Variants in DENND4C observed in about 807,000 individuals in gnomAD.
DENND4C encodes DENN domain-containing protein 4C.
A neutral mutation model predicts 203.0 loss-of-function variants in DENND4C; 108 were observed. That is an observed-to-expected ratio of 0.53 (90% CI 0.46 to 0.62). The LOEUF (loss-of-function observed/expected upper bound fraction) is 0.62, where lower values mean the gene tolerates loss of function less well. DENND4C is among the 20% of genes least tolerant of loss of function. The probability of loss-of-function intolerance (pLI) is 0.00; values close to 1 mark genes in which losing one functional copy is unlikely to be tolerated. For missense variants in DENND4C, 2,481 were observed against 2,301.2 expected, an observed-to-expected ratio of 1.08 and a Z score of -1.60; for synonymous variants, 871 against 792.4, an observed-to-expected ratio of 1.10 and a Z score of -1.67.
At chr9:19,329,157 A>G (rs975848247) in intron 16 of DENND4C, among the ~76,000 whole-genome samples, 3 of 152,184 alleles carry the variant, frequency 2.0e-5, no homozygotes, top group Admixed American at 6.5e-5. Flanking sequence ...TACCACCACA[A>G]TTAATTTTAG....
chr9:19,346,336 G>C lies in DENND4C; in HGVS notation c.3567G>C (p.Glu1189Asp). 6.2e-7 allele frequency: 1 copy of C among 1,614,170 alleles called. No individual in the cohort carries two copies. The highest frequency in any genetic ancestry group is 8.5e-7 in the Non-Finnish European group (1 of 1,180,036). Residue 1189 changes from glutamate to aspartate, a missense_variant, in exon 23 of 33, where the codon GAG becomes GAC. Glu to Asp is a conservative substitution (Grantham distance 45). Transcript: ENST00000434457. The part of the protein sequence containing the change: ...EMLEESQELL[E>D]PVVDDVPKTT... ...TTGAGGAAAGCCAAGAACTCCTTGAGCCTGTGGTTGATGACGTACCTAAAA... is the reference window on the plus strand; with the variant it reads ...TTGAGGAAAGCCAAGAACTCCTTGACCCTGTGGTTGATGACGTACCTAAAA...
intron 15 of DENND4C, among the ~76,000 whole-genome samples, chr9:19,326,757 A>ATG (rs997841360): frequency 6.6e-6 from 1 of 151,916 alleles, no homozygotes; most frequent in Non-Finnish European, 1.5e-5. Context: ...TATCATGTGG[A>ATG]TGTGTGTGTG....
intron 12 of DENND4C, among the ~76,000 whole-genome samples, chr9:19,317,258 T>A (rs1197924714): frequency 1.3e-5 from 2 of 150,900 alleles, no homozygotes; most frequent in East Asian, 1.9e-4. Context: ...TGGCCTCAAG[T>A]GATCCTCCTC....
intron 2 of DENND4C, among the ~76,000 whole-genome samples, chr9:19,280,444 C>T (rs936126626): frequency 2.0e-5 from 3 of 152,154 alleles, no homozygotes; most frequent in South Asian, 2.1e-4. Context: ...TGTGCCCCGC[C>T]GGAAGGGGCT....
chr9:19,336,668 T>C lies in DENND4C; in HGVS notation c.2735-18T>C, dbSNP rs1417811426. On this transcript the variant is annotated intron_variant, in intron 19 of 32. Coordinates refer to ENST00000434457, the MANE Select transcript of DENND4C (RefSeq NM_001330640.2). ...ATCAATGCATGAGTTATTGAACTGC[T>C]ATTGTCCTTATCTTTAGCTCTTCAA... 1 of 1,549,392 alleles carries C rather than the reference T, an allele frequency of 6.5e-7. No individual in the cohort carries two copies. Among genetic ancestry groups the C allele is most frequent in the East Asian group, 2.4e-5 (1 of 40,892 alleles).
At chr9:19,343,915 A>C (rs535538035) in intron 22 of DENND4C, among the ~76,000 whole-genome samples, 1 of 152,238 alleles carries the variant, frequency 6.6e-6, no homozygotes, top group Admixed American at 6.5e-5. Flanking sequence ...AATTCCTTGG[A>C]AATACTATGA....
chr9:19,237,450 C>G (rs560111891), intron 1 of DENND4C, among the ~76,000 whole-genome samples: 1 of 152,296 alleles, frequency 6.6e-6, no homozygotes, highest in East Asian at 1.9e-4. Context: ...ATCCCGAGTT[C>G]AAGCGATTCT....
intron 1 of DENND4C, among the ~76,000 whole-genome samples, chr9:19,266,893 G>C (rs12000013): frequency 1.5e-3 from 226 of 152,226 alleles, no homozygotes; most frequent in African/African-American, 5.0e-3. Flanking sequence ...AACCTAGGCA[G>C]TACCATTCAG....
intron 1 of DENND4C, among the ~76,000 whole-genome samples, chr9:19,257,355 C>CAA (rs71335406): frequency 0.037 from 3,475 of 93,584 alleles, 140 homozygotes; most frequent in African/African-American, 0.12. Flanking sequence ...CACTCTGTCT[C>CAA]AAAAAAAAAA....
chr9:19,278,520 A>T (rs1457262339), intron 2 of DENND4C, among the ~76,000 whole-genome samples: 1 of 152,114 alleles, frequency 6.6e-6, no homozygotes, highest in African/African-American at 2.4e-5. Flanking sequence ...GTTGCATTAG[A>T]GCTCTGGCGA....
chr9:19,331,915 C>T, intron 16 of DENND4C, 63 bp from the exon 17 acceptor site: 1 of 1,440,622 alleles, frequency 6.9e-7, no homozygotes. Flanking sequence ...CCTTTTCCTT[C>T]TCACTTCTCC....
chr9:19,345,689 T>C (rs187052531), intron 22 of DENND4C, among the ~76,000 whole-genome samples: 17 of 152,324 alleles, frequency 1.1e-4, no homozygotes, highest in Admixed American at 7.8e-4. Context: ...TAAATGGGTG[T>C]TTATATAAAT....
chr9:19,340,844 T>A (rs1045990805), intron 20 of DENND4C, 148 bp from the exon 21 acceptor site: 12 of 575,252 alleles, frequency 2.1e-5, no homozygotes, highest in African/African-American at 1.6e-4. Context: ...TCATTATTTT[T>A]AAAATGTTCT....
At chr9:19,310,809 T>G (rs1358944002) in intron 10 of DENND4C, among the ~76,000 whole-genome samples, 10 of 152,180 alleles carry the variant, frequency 6.6e-5, no homozygotes, top group Non-Finnish European at 1.3e-4. Context: ...AAAAAAACCT[T>G]TTTGTTCAGC....
At chr9:19,275,260 G>A (rs1832651196) in intron 1 of DENND4C, among the ~76,000 whole-genome samples, 1 of 147,450 alleles carries the variant, frequency 6.8e-6, no homozygotes, top group Non-Finnish European at 1.5e-5. Flanking sequence ...TTACAGGTGT[G>A]AGCCACCAGG....
intron 8 of DENND4C, among the ~76,000 whole-genome samples, chr9:19,299,629 T>G (rs1278327583): frequency 2.0e-5 from 3 of 152,214 alleles, no homozygotes; most frequent in African/African-American, 7.2e-5. Context: ...TTACTTCTTT[T>G]CATCTGCATC....
At chr9:19,237,934 C>A (rs1179951321) in intron 1 of DENND4C, among the ~76,000 whole-genome samples, 2 of 152,068 alleles carry the variant, frequency 1.3e-5, no homozygotes, top group Non-Finnish European at 2.9e-5. Context: ...GAGTAAATTA[C>A]TGCAAAGTGG....
At chr9:19,295,378 G>T (rs549479794) in intron 5 of DENND4C, among the ~76,000 whole-genome samples, 1 of 152,258 alleles carries the variant, frequency 6.6e-6, no homozygotes, top group South Asian at 2.1e-4. Flanking sequence ...GGTGGTGGGC[G>T]CCTATAGTCC....
At chr9:19,329,178 T>C (rs922987183) in intron 16 of DENND4C, among the ~76,000 whole-genome samples, 9 of 152,232 alleles carry the variant, frequency 5.9e-5, no homozygotes, top group African/African-American at 2.2e-4. Flanking sequence ...AATATTTTCA[T>C]CAACCCCAAA....
Sources: allele counts gnomAD v4.1 joint callset (sites outside exome capture counted in the v4.1 genomes callset), GRCh38; gene constraint gnomAD v4.1.1; transcripts MANE v1.5; gene names NCBI Gene and HGNC (gene_info 2026-07-23, HGNC 2026-07-21).